RBKS: variants seen among roughly 807,000 people sequenced by gnomAD.
RBKS encodes the protein ribokinase.
RBKS carries 33 observed loss-of-function variants against 33.9 expected under a neutral mutation model. The observed-to-expected ratio is 0.97, with a 90% CI of 0.74 to 1.30. RBKS has a LOEUF of 1.30. Ranked by LOEUF, RBKS falls within the 50% of genes most tolerant of loss-of-function variation. RBKS has a pLI of 0.00. For missense variants in RBKS, 361 were observed against 392.6 expected, an observed-to-expected ratio of 0.92 and a Z score of 0.68; for synonymous variants, 125 against 143.0, an observed-to-expected ratio of 0.87 and a Z score of 0.90.
chr2:27,825,895 T>A (rs1222722009), intron 7 of RBKS, among the ~76,000 whole-genome samples: 1 of 152,244 alleles, frequency 6.6e-6, no homozygotes, highest in Non-Finnish European at 1.5e-5. Context: ...TGTGCATCCA[T>A]GTAGGTCTTT....
At chr2:27,818,415 A>T (rs1341619724) in intron 7 of RBKS, among the ~76,000 whole-genome samples, 1 of 152,208 alleles carries the variant, frequency 6.6e-6, no homozygotes, top group Non-Finnish European at 1.5e-5. Context: ...GACTAGGCAG[A>T]CTGTCACCAA....
At chr2:27,832,870 C>G (rs1038378623) in intron 5 of RBKS, 93 bp from the exon 6 acceptor site, 2 of 828,728 alleles carry the variant, frequency 2.4e-6, no homozygotes, top group Admixed American at 2.0e-5. Flanking sequence ...TCCCCGAGTT[C>G]GTTTTTGTCT....
intron 7 of RBKS, among the ~76,000 whole-genome samples, chr2:27,807,638 C>A (rs1402637952): frequency 1.3e-5 from 2 of 152,154 alleles, no homozygotes; most frequent in African/African-American, 4.8e-5. Context: ...TCACAAAGTA[C>A]TGGGATTCCA....
chr2:27,868,479 G>T (rs889600438), intron 1 of RBKS, among the ~76,000 whole-genome samples: 19 of 152,090 alleles, frequency 1.2e-4, no homozygotes, highest in Non-Finnish European at 2.4e-4. Context: ...ACCACAATAT[G>T]CTACTTTCTT....
chr2:27,875,999 G>A (rs1664308671), intron 1 of RBKS, among the ~76,000 whole-genome samples: 1 of 152,192 alleles, frequency 6.6e-6, no homozygotes, highest in Admixed American at 6.5e-5. Flanking sequence ...TGAGTAAGAT[G>A]CAGAATAGGG....
intron 6 of RBKS, among the ~76,000 whole-genome samples, chr2:27,832,342 C>T (rs755197280): frequency 5.9e-5 from 9 of 152,116 alleles, no homozygotes; most frequent in Non-Finnish European, 1.2e-4. Flanking sequence ...ACTGGGCATC[C>T]TGCATTTTTA....
At chr2:27,881,847 G>A (rs533419327) in intron 1 of RBKS, among the ~76,000 whole-genome samples, 2 of 152,128 alleles carry the variant, frequency 1.3e-5, no homozygotes, top group Non-Finnish European at 2.9e-5. Context: ...AGATAGTGCT[G>A]GAATAACTGG....
intron 1 of RBKS, among the ~76,000 whole-genome samples, chr2:27,887,084 CATAAA>C (rs1664548426): frequency 6.6e-6 from 1 of 152,148 alleles, no homozygotes; most frequent in Non-Finnish European, 1.5e-5. Flanking sequence ...AATAAGTCAC[CATAAA>C]ATAAAGAGAT....
intron 1 of RBKS, among the ~76,000 whole-genome samples, chr2:27,888,083 C>A (rs774569520): frequency 2.6e-5 from 4 of 151,934 alleles, no homozygotes; most frequent in Non-Finnish European, 5.9e-5. Flanking sequence ...GAATTTTAAC[C>A]CTGACACTTT....
chr2:27,807,361 T>A (rs1677915044), intron 7 of RBKS, among the ~76,000 whole-genome samples: 2 of 152,200 alleles, frequency 1.3e-5, no homozygotes, highest in African/African-American at 4.8e-5. Flanking sequence ...CTGAACTGAT[T>A]ACACTGGCAT....
intron 7 of RBKS, among the ~76,000 whole-genome samples, chr2:27,796,329 G>A (rs929803760): frequency 1.3e-5 from 2 of 152,128 alleles, no homozygotes; most frequent in Admixed American, 6.5e-5. Flanking sequence ...TTGGAATAAT[G>A]AAATAGTTCT....
At chr2:27,789,261 T>A (rs2148181979) in intron 7 of RBKS, among the ~76,000 whole-genome samples, 1 of 152,136 alleles carries the variant, frequency 6.6e-6, no homozygotes, top group South Asian at 2.1e-4. Flanking sequence ...TTTCAGATCT[T>A]TTTTTTTGGA....
chr2:27,840,502 TGA>T (rs1408866889), intron 5 of RBKS, among the ~76,000 whole-genome samples: 1 of 151,552 alleles, frequency 6.6e-6, no homozygotes, highest in Non-Finnish European at 1.5e-5. Context: ...AATGGACACA[TGA>T]GTGTGTGTGC....
At chr2:27,789,921 G>GTATATATATATATATATGTATA (rs1677479721) in intron 7 of RBKS, among the ~76,000 whole-genome samples, 1 of 127,282 alleles carries the variant, frequency 7.9e-6, no homozygotes, top group African/African-American at 2.8e-5. Context: ...GTGTGTTTGT[G>GTATATATATATATATATGTATA]TGTGTATATA....
chr2:27,821,592 T>A (rs1678211676), intron 7 of RBKS, among the ~76,000 whole-genome samples: 1 of 152,176 alleles, frequency 6.6e-6, no homozygotes, highest in Admixed American at 6.5e-5. Context: ...GCTGCTCTCC[T>A]TCCCTCCTTG....
intron 1 of RBKS, among the ~76,000 whole-genome samples, chr2:27,865,822 T>C (rs1264484514): frequency 6.6e-6 from 1 of 152,184 alleles, no homozygotes; most frequent in East Asian, 1.9e-4. Context: ...TACTTAAAAA[T>C]GTAATCTACT....
chr2:27,869,238 C>T (rs1363700413), intron 1 of RBKS, among the ~76,000 whole-genome samples: 1 of 152,190 alleles, frequency 6.6e-6, no homozygotes, highest in Non-Finnish European at 1.5e-5. Flanking sequence ...AATTATACTT[C>T]TGAAGAACAC....
At chr2:27,792,677 C>G (rs6721067) in intron 7 of RBKS, among the ~76,000 whole-genome samples, 1 of 152,004 alleles carries the variant, frequency 6.6e-6, no homozygotes, top group Admixed American at 6.5e-5. Flanking sequence ...AGACTGGGCA[C>G]GTTCACTTCA....
intron 7 of RBKS, chr2:27,809,794 G>A: frequency 4.3e-6 from 2 of 463,124 alleles, no homozygotes; most frequent in Non-Finnish European, 7.2e-6. Context: ...ATAATACAGA[G>A]CTACCAGATT....
Sources: gnomAD v4.1 joint callset for allele counts (sites outside exome capture counted in the v4.1 genomes callset) on GRCh38, gnomAD v4.1.1 for gene constraint, MANE v1.5 for transcripts, NCBI Gene and HGNC (gene_info 2026-07-23, HGNC 2026-07-21) for gene names.